Variants in DNAH3 observed in about 807,000 individuals in gnomAD.
DNAH3 encodes axonemal beta dynein heavy chain 3.
In DNAH3, 332 loss-of-function variants were observed where a neutral mutation model predicts 432.5. The observed-to-expected ratio is 0.77, with a 90% CI of 0.70 to 0.84. The LOEUF is 0.84. DNAH3 is among the 40% of genes least tolerant of loss of function. DNAH3 has a pLI of 0.00. For synonymous variants in DNAH3, 1,956 were observed against 1,900.2 expected (o/e 1.03, Z -0.76); for missense variants, 4,861 against 5,114.0 (o/e 0.95, Z 1.51).
chr16:21,135,907 C>T (rs898351150), intron 6 of DNAH3, among the ~76,000 whole-genome samples: 6 of 150,460 alleles, frequency 4.0e-5, no homozygotes, highest in Non-Finnish European at 8.8e-5. Flanking sequence ...TTTAAACTTA[C>T]AAATGTAGAA....
chr16:21,142,575 TTTAA>T (rs1271394379), intron 3 of DNAH3, among the ~76,000 whole-genome samples: 1 of 152,158 alleles, frequency 6.6e-6, no homozygotes, highest in Non-Finnish European at 1.5e-5. Context: ...ATTATTCAAC[TTTAA>T]TTAGATATTA....
At chr16:20,982,639 T>G in intron 49 of DNAH3, 82 bp downstream of exon 49, 1 of 1,231,148 alleles carries the variant, frequency 8.1e-7, no homozygotes, top group South Asian at 1.6e-5. Flanking sequence ...TGAGAAATCT[T>G]CAAAACAACA....
chr16:20,970,353 G>A (rs558871741), intron 51 of DNAH3, among the ~76,000 whole-genome samples: 185 of 152,272 alleles, frequency 1.2e-3, no homozygotes, highest in Non-Finnish European at 2.1e-3. Context: ...GCAAAACCCT[G>A]TCTCTACTAA....
chr16:21,042,409 G>T (rs1403289892), intron 31 of DNAH3, among the ~76,000 whole-genome samples: 1 of 152,078 alleles, frequency 6.6e-6, no homozygotes, highest in Non-Finnish European at 1.5e-5. Context: ...GTGTGTGTGT[G>T]TTAATAGTTT....
intron 36 of DNAH3, among the ~76,000 whole-genome samples, chr16:21,033,573 G>C (rs902415383): frequency 2.0e-5 from 3 of 152,044 alleles, no homozygotes; most frequent in Admixed American, 2.0e-4. Context: ...AGAAAAGAAG[G>C]GAAGGAGGGA....
intron 9 of DNAH3, 115 bp downstream of exon 10, chr16:21,125,060 G>T: frequency 2.5e-6 from 2 of 785,902 alleles, no homozygotes; most frequent in South Asian, 2.4e-5. Flanking sequence ...TGGAAGTCAA[G>T]CATTTCACTT....
chr16:21,098,804 T>C (rs1426047342), intron 16 of DNAH3, 35 bp from the exon 17 acceptor site: 2 of 1,591,198 alleles, frequency 1.3e-6, no homozygotes, highest in Non-Finnish European at 1.7e-6. Flanking sequence ...CCTTTGGACT[T>C]TGCATTTTGT....
In DNAH3 at chr16:21,153,364, C is replaced by G. The variant is rs539128127; in HGVS notation, c.117+5961G>C. Reference sequence around the variant, plus strand: ...GCTATTCTGGTGGGGCCTTGGAGAACCTTTGTGTGGACACTCTGTGTCTAG... The same window carrying G: ...GCTATTCTGGTGGGGCCTTGGAGAAGCTTTGTGTGGACACTCTGTGTCTAG... On this transcript the variant is annotated intron_variant, in intron 1 of 61. Coordinates refer to ENST00000261383, the Ensembl canonical transcript of DNAH3. 2.6e-5 allele frequency among the ~76,000 whole-genome samples: 4 copies of G among 152,144 alleles called. No individual in the cohort carries two copies. The South Asian group carries it at 8.3e-4, about 32-fold the overall frequency.
Position 21,050,947 on chromosome 16 carries a change from G to A in DNAH3, c.4238+723C>T, listed in dbSNP as rs144062091. Among the ~76,000 whole-genome samples the A allele has an allele frequency of 3.7e-3, 569 of 152,138 alleles. 6 individuals are homozygous for A. Among genetic ancestry groups the A allele is most frequent in the African/African-American group, 0.013 (537 of 41,524 alleles). On this transcript the variant is annotated intron_variant, in intron 29 of 61. Coordinates refer to ENST00000261383, the Ensembl canonical transcript of DNAH3. ...GTAATCATTTGAATATGTCTCTCCC[G>A]ACCCCCCAGTTAGATTTAGGGTTTC...
exon 3 of DNAH3, chr16:21,145,280 T>A (rs2092768606): frequency 6.2e-7 from 1 of 1,614,124 alleles, no homozygotes; most frequent in Non-Finnish European, 8.5e-7. Context: ...TCCTGGGCCA[T>A]CAAGGAGTAG....
chr16:20,942,897 G>GTT (rs200528905), intron 58 of DNAH3, among the ~76,000 whole-genome samples: 4 of 151,750 alleles, frequency 2.6e-5, no homozygotes, highest in African/African-American at 9.7e-5. Context: ...CAGGTTTTGG[G>GTT]TTTTTTTTCA....
At chr16:21,051,372 A>C (rs779140346) in intron 29 of DNAH3, among the ~76,000 whole-genome samples, 2 of 152,132 alleles carry the variant, frequency 1.3e-5, no homozygotes, top group Non-Finnish European at 2.9e-5. Flanking sequence ...TCCAGGCACC[A>C]TCTTGATTCC....
In DNAH3 at chr16:21,070,712, G is replaced by A. The variant is rs183765350; in HGVS notation, c.3199C>T (p.Arg1067Trp). The A allele has an allele frequency of 2.9e-5, 46 of 1,599,760 alleles. No homozygotes were observed. Among genetic ancestry groups the A allele is most frequent in the Admixed American group, 2.8e-4 (17 of 59,960 alleles). Residue 1067 changes from arginine to tryptophan, a missense_variant and splice_region_variant, in exon 22 of 62, where the codon CGG becomes TGG. Transcript: ENST00000261383. Reference sequence around the variant, plus strand: ...CATTCAACTTCATTTCCTCTTACCCGGCATTCTGCTTCTATTGGTTTGATG... The same window carrying A: ...CATTCAACTTCATTTCCTCTTACCCAGCATTCTGCTTCTATTGGTTTGATG...
At chr16:20,940,643 G>A (rs1364760648) in intron 59 of DNAH3, among the ~76,000 whole-genome samples, 5 of 151,170 alleles carry the variant, frequency 3.3e-5, no homozygotes, top group Non-Finnish European at 5.9e-5. Context: ...TGTTGCCCAG[G>A]CTGGTCTTGG....
intron 57 of DNAH3, among the ~76,000 whole-genome samples, chr16:20,948,033 C>G (rs1431281954): frequency 6.6e-6 from 1 of 152,226 alleles, no homozygotes; most frequent in East Asian, 1.9e-4. Context: ...GCCTCAGCCT[C>G]CCAAAGTGCT....
chr16:20,979,566 G>C lies in DNAH3; in HGVS notation c.7860-20C>G. On this transcript the variant is annotated intron_variant, in intron 49 of 61. Coordinates refer to ENST00000261383, the Ensembl canonical transcript of DNAH3. ...ACGACCCTGCCGAGGACACCAAGGC[G>C]GTTAGGCAGGACCCAACATCTTCCA... is the stretch of plus-strand genomic sequence containing the variant. 2 of 1,610,732 alleles carry C rather than the reference G, an allele frequency of 1.2e-6. No homozygotes were observed. Among genetic ancestry groups the C allele is most frequent in the Non-Finnish European group, 1.7e-6 (2 of 1,177,104 alleles).
intron 29 of DNAH3, among the ~76,000 whole-genome samples, chr16:21,050,287 G>A (rs2152742679): frequency 6.6e-6 from 1 of 152,218 alleles, no homozygotes; most frequent in East Asian, 1.9e-4. Flanking sequence ...CACATGAGTG[G>A]CACCCATGAA....
chr16:20,987,591 A>T, intron 46 of DNAH3, 102 bp downstream of exon 46: 2 of 1,536,040 alleles, frequency 1.3e-6, no homozygotes, highest in Admixed American at 1.8e-5. Flanking sequence ...CCTAGCATAG[A>T]CTAAGTGCCT....
intron 18 of DNAH3, among the ~76,000 whole-genome samples, chr16:21,095,147 A>G (rs2091641782): frequency 6.6e-6 from 1 of 152,356 alleles, no homozygotes. Context: ...TGTGGAAAAC[A>G]AAAGTTTGGC....
Sources: gnomAD v4.1 joint callset for allele counts (sites outside exome capture counted in the v4.1 genomes callset) on GRCh38, gnomAD v4.1.1 for gene constraint, MANE v1.5 for transcripts, NCBI Gene and HGNC (gene_info 2026-07-23, HGNC 2026-07-21) for gene names.